Variants in CEP63 observed in about 807,000 individuals in gnomAD.
CEP63 encodes centrosomal protein of 63 kDa.
Under a neutral mutation model 89.1 loss-of-function variants are expected in CEP63, and 84 were observed. The ratio of observed to expected loss-of-function variants is 0.94; its 90% CI spans 0.79 to 1.13. CEP63 has a LOEUF of 1.13. Among genes scored for constraint, CEP63 ranks in the 50% most tolerant of loss-of-function variants. The probability of loss-of-function intolerance (pLI) is 0.00; values close to 1 mark genes in which losing one functional copy is unlikely to be tolerated. For missense variants in CEP63, 838 were observed against 813.3 expected, an observed-to-expected ratio of 1.03 and a Z score of -0.37; for synonymous variants, 267 against 272.5, an observed-to-expected ratio of 0.98 and a Z score of 0.20.
chr3:134,627,696 T>G, the CEP63 span: 1 of 1,468,542 alleles, frequency 6.8e-7, no homozygotes, highest in Non-Finnish European at 9.5e-7. Context: ...TGGAGATTAG[T>G]CTATGAGGCT....
intron 2 of CEP63, among the ~76,000 whole-genome samples, chr3:134,498,923 G>A (rs1941067482): frequency 6.6e-6 from 1 of 152,146 alleles, no homozygotes; most frequent in Non-Finnish European, 1.5e-5. Context: ...CTGTTCTGTT[G>A]TTGGATTTGG....
chr3:134,592,122 A>G (rs1403573499), downstream of CEP63, among the ~76,000 whole-genome samples: 1 of 152,128 alleles, frequency 6.6e-6, no homozygotes, highest in Non-Finnish European at 1.5e-5. Flanking sequence ...TCCTCACAGG[A>G]GCTGCTTCCA....
chr3:134,580,612 T>G (rs1486346146), intron 10 of CEP63, among the ~76,000 whole-genome samples: 1 of 152,118 alleles, frequency 6.6e-6, no homozygotes, highest in African/African-American at 2.4e-5. Context: ...AAAAAGAAAT[T>G]TATGGACAAA....
chr3:134,538,533 G>A (rs13064627), intron 6 of CEP63, among the ~76,000 whole-genome samples: 85,630 of 101,380 alleles, frequency 0.84, 36,015 homozygotes, highest in South Asian at 0.89. Flanking sequence ...GTGTGTGTGT[G>A]TATATATATA....
At chr3:134,726,350 A>G in the CEP63 span, among the ~76,000 whole-genome samples, 2 of 152,002 alleles carry the variant, frequency 1.3e-5, no homozygotes, top group Non-Finnish European at 2.9e-5. Context: ...CGGGCTTGAC[A>G]TTTTAATCCC....
the CEP63 span, among the ~76,000 whole-genome samples, chr3:134,773,347 C>T: frequency 6.6e-6 from 1 of 152,254 alleles, no homozygotes; most frequent in Admixed American, 6.5e-5. Flanking sequence ...CAGGCAGAGC[C>T]GTCTATTATA....
At chr3:134,631,721 T>TA in the CEP63 span, among the ~76,000 whole-genome samples, 20 of 151,888 alleles carry the variant, frequency 1.3e-4, 1 homozygote, top group Admixed American at 2.0e-4. Flanking sequence ...GGAGATATAG[T>TA]AAAAAAATAG....
the CEP63 span, among the ~76,000 whole-genome samples, chr3:134,624,360 A>G: frequency 6.6e-6 from 1 of 152,188 alleles, no homozygotes; most frequent in Non-Finnish European, 1.5e-5. Flanking sequence ...TTCTTGATCC[A>G]TGCACTCACC....
At chr3:134,568,975 T>A (rs1957903070), downstream of CEP63, among the ~76,000 whole-genome samples, 2 of 152,146 alleles carry the variant, frequency 1.3e-5, no homozygotes, top group Non-Finnish European at 2.9e-5. Flanking sequence ...AAGTCACATC[T>A]TACATGGAGG....
the CEP63 span, among the ~76,000 whole-genome samples, chr3:134,656,912 C>A: frequency 5.5e-3 from 837 of 152,318 alleles, 5 homozygotes; most frequent in African/African-American, 0.019. Flanking sequence ...AATAAAGCCA[C>A]CTAAATCCCG....
chr3:134,486,413 A>T, intron 1 of CEP63: 1 of 985,506 alleles, frequency 1.0e-6, no homozygotes, highest in Non-Finnish European at 1.2e-6. Context: ...TCCGCCCCGA[A>T]GCCCAGTCCC....
the CEP63 span, among the ~76,000 whole-genome samples, chr3:134,684,611 C>T: frequency 6.6e-6 from 1 of 152,206 alleles, no homozygotes; most frequent in Non-Finnish European, 1.5e-5. Flanking sequence ...AAGGTAGGGC[C>T]GACTGGGCCG....
the CEP63 span, among the ~76,000 whole-genome samples, chr3:134,592,873 G>A: frequency 9.1e-4 from 138 of 152,034 alleles, 1 homozygote; most frequent in South Asian, 0.015. Flanking sequence ...GCTCCCTTCC[G>A]TGTCTGAGTA....
At chr3:134,619,355 C>T in the CEP63 span, 10 of 964,546 alleles carry the variant, frequency 1.0e-5, no homozygotes, top group Admixed American at 3.5e-5. Flanking sequence ...TGGCCATCAC[C>T]AGCCCCAGGA....
chr3:134,532,725 A>G, intron 4 of CEP63, 53 bp from the exon 5 acceptor site: 1 of 1,472,338 alleles, frequency 6.8e-7, no homozygotes, highest in East Asian at 2.3e-5. Context: ...TTGTCTCACC[A>G]CTACTTCTTA....
chr3:134,712,716 C>T, the CEP63 span, among the ~76,000 whole-genome samples: 1 of 152,140 alleles, frequency 6.6e-6, no homozygotes, highest in African/African-American at 2.4e-5. Flanking sequence ...TCACTGGCTG[C>T]GTGTGGCTTG....
chr3:134,561,256 G>GT (rs2110173886), intron 14 of CEP63, 121 bp from the exon 15 acceptor site: 1 of 1,056,890 alleles, frequency 9.5e-7, no homozygotes, highest in Non-Finnish European at 1.5e-6. Context: ...AACCAAAAAA[G>GT]TATCTTCAGA....
the CEP63 span, among the ~76,000 whole-genome samples, chr3:134,642,487 TGGGG>T: frequency 1.3e-5 from 2 of 151,910 alleles, 1 homozygote; most frequent in Non-Finnish European, 2.9e-5. Flanking sequence ...ACCATTGCTG[TGGGG>T]CCCTCCTGTC....
At chr3:134,759,576 T>C in the CEP63 span, among the ~76,000 whole-genome samples, 1 of 152,124 alleles carries the variant, frequency 6.6e-6, no homozygotes, top group African/African-American at 2.4e-5. Flanking sequence ...AGAGCTATGG[T>C]GTGGAAAGAA....
Sources: gnomAD v4.1 joint callset for allele counts (sites outside exome capture counted in the v4.1 genomes callset) on GRCh38, gnomAD v4.1.1 for gene constraint, MANE v1.5 for transcripts, NCBI Gene and HGNC (gene_info 2026-07-23, HGNC 2026-07-21) for gene names.